CAMK4: variants seen among roughly 807,000 people sequenced by gnomAD.
The protein encoded by CAMK4 is calcium/calmodulin dependent protein kinase IV, also known as calcium/calmodulin-dependent protein kinase type IV.
A neutral mutation model predicts 44.9 loss-of-function variants in CAMK4; 22 were observed. That is an observed-to-expected ratio of 0.49 (90% CI 0.35 to 0.70). The LOEUF (loss-of-function observed/expected upper bound fraction) is 0.70. Ranked by LOEUF, CAMK4 falls within the 30% of genes least tolerant of loss-of-function variation. The pLI, the probability that CAMK4 is intolerant of heterozygous loss-of-function variation, is 0.01. For missense variants in CAMK4, 498 were observed against 586.8 expected (o/e 0.85, Z 1.56); for synonymous variants, 218 against 215.4 (o/e 1.01, Z -0.11).
At chr5:111,460,861 C>A (rs985188965) in intron 7 of CAMK4, among the ~76,000 whole-genome samples, 2 of 150,820 alleles carry the variant, frequency 1.3e-5, no homozygotes, top group Non-Finnish European at 3.0e-5. Flanking sequence ...ATTTTTTTTT[C>A]CTTTTTTGAA....
At chr5:111,385,215 AT>A (rs1751555485) in intron 4 of CAMK4, among the ~76,000 whole-genome samples, 1 of 152,212 alleles carries the variant, frequency 6.6e-6, no homozygotes, top group African/African-American at 2.4e-5. Flanking sequence ...GATTGGCCCC[AT>A]ATTCAACTCT....
At chr5:111,292,816 A>G (rs557829016) in intron 1 of CAMK4, among the ~76,000 whole-genome samples, 1 of 152,248 alleles carries the variant, frequency 6.6e-6, no homozygotes, top group Non-Finnish European at 1.5e-5. Flanking sequence ...CTGTAGTTCT[A>G]GCTACTTGGG....
chr5:111,443,964 C>T (rs1361681167), intron 5 of CAMK4, among the ~76,000 whole-genome samples: 3 of 152,128 alleles, frequency 2.0e-5, no homozygotes, highest in Non-Finnish European at 2.9e-5. Context: ...TTGGGGACAC[C>T]GCATGTTTTC....
intron 2 of CAMK4, among the ~76,000 whole-genome samples, chr5:111,350,764 G>A (rs1475701565): frequency 1.3e-5 from 2 of 151,996 alleles, no homozygotes; most frequent in African/African-American, 2.4e-5. Flanking sequence ...TTCCATAAAT[G>A]TTGGTTTGAT....
At chr5:111,345,729 A>G (rs1022018438) in intron 2 of CAMK4, among the ~76,000 whole-genome samples, 1 of 151,954 alleles carries the variant, frequency 6.6e-6, no homozygotes, top group Non-Finnish European at 1.5e-5. Context: ...GCTTATGTCA[A>G]AAGTCTTTGG....
At chr5:111,473,910 T>G (rs904928541) in intron 8 of CAMK4, among the ~76,000 whole-genome samples, 1 of 152,108 alleles carries the variant, frequency 6.6e-6, no homozygotes, top group Non-Finnish European at 1.5e-5. Flanking sequence ...ACAAATTTCT[T>G]GGGAAAAAAA....
intron 5 of CAMK4, among the ~76,000 whole-genome samples, chr5:111,430,540 T>G (rs1268680450): frequency 2.0e-5 from 3 of 152,228 alleles, no homozygotes; most frequent in Non-Finnish European, 4.4e-5. Flanking sequence ...TTATATGATC[T>G]TATATTTGGA....
Position 111,298,827 on chromosome 5 carries a change from G to A in CAMK4, c.162-45197G>A, listed in dbSNP as rs10078976. 4.5e-3 allele frequency among the ~76,000 whole-genome samples: 685 copies of A among 152,356 alleles called. 3 individuals are homozygous for A. The highest frequency in any genetic ancestry group is 0.016 in the African/African-American group (657 of 41,578). Reference sequence around the variant, plus strand: ...GTAACTACTGCCCAAGGAGGCACCCGTGCCCCGTTAGGAACACAATGTTGT... The same window carrying A: ...GTAACTACTGCCCAAGGAGGCACCCATGCCCCGTTAGGAACACAATGTTGT... On this transcript the variant is annotated intron_variant, in intron 1 of 10. Transcript: ENST00000282356.
chr5:111,433,244 A>C (rs185333672), intron 5 of CAMK4, among the ~76,000 whole-genome samples: 5 of 152,342 alleles, frequency 3.3e-5, no homozygotes, highest in Admixed American at 3.3e-4. Flanking sequence ...TCAAAGGTTT[A>C]AAAGGGCTTG....
chr5:111,225,601 T>G (rs1458321859), intron 1 of CAMK4, among the ~76,000 whole-genome samples: 2 of 152,224 alleles, frequency 1.3e-5, no homozygotes, highest in African/African-American at 4.8e-5. Context: ...CTGTACTTAC[T>G]ACTCCTTTGC....
Position 111,486,089 on chromosome 5 carries a change from GA to G in CAMK4, c.*1626del, listed in dbSNP as rs1387601930. 6.6e-6 allele frequency: 1 copy of G among 152,024 alleles called. No individual in the cohort carries two copies. The highest frequency in any genetic ancestry group is 1.9e-4 in the East Asian group (1 of 5,186). 9.4% of individuals were successfully genotyped at this position (152,024 alleles called of 1,614,324 possible). Reference sequence around the variant, plus strand: ...CCTCAAAACTATTAAATTAGAAAACGAAACTAAAGCTCCAGTTTGTAGAGGC... The same window carrying G: ...CCTCAAAACTATTAAATTAGAAAACGAACTAAAGCTCCAGTTTGTAGAGGC... On this transcript the variant is annotated 3_prime_UTR_variant, in exon 11 of 11. Coordinates refer to ENST00000282356, the MANE Select transcript of CAMK4 (RefSeq NM_001744.6).
In CAMK4 at chr5:111,488,983, T is replaced by A. The variant is rs547961432; in HGVS notation, c.*4517T>A. 1 of 152,364 alleles carries A rather than the reference T, an allele frequency of 6.6e-6. No homozygotes were observed. Among genetic ancestry groups the A allele is most frequent in the South Asian group, 2.1e-4 (1 of 4,826 alleles). The allele number at this position is 152,364 out of a possible 1,614,324, so 9.4% of individuals were successfully genotyped here. ...AATTCCTGCCTATTAGTCCATATTC[T>A]GATTTCCTTATGTTCATCACTGATA... On this transcript the variant is annotated 3_prime_UTR_variant, in exon 11 of 11. Coordinates refer to ENST00000282356, the MANE Select transcript of CAMK4 (RefSeq NM_001744.6).
At chr5:111,254,701 C>G (rs10478040) in intron 1 of CAMK4, among the ~76,000 whole-genome samples, 1 of 152,118 alleles carries the variant, frequency 6.6e-6, no homozygotes, top group African/African-American at 2.4e-5. Context: ...CTCCCCCAGG[C>G]GAAGGAGTTG....
At chr5:111,228,616 A>G (rs868477059) in intron 1 of CAMK4, among the ~76,000 whole-genome samples, 18 of 150,352 alleles carry the variant, frequency 1.2e-4, no homozygotes, top group Middle Eastern at 6.8e-3. Context: ...AATATTTTCT[A>G]TTATATGCTG....
chr5:111,428,978 C>A (rs186743021), intron 5 of CAMK4, among the ~76,000 whole-genome samples: 24 of 152,044 alleles, frequency 1.6e-4, no homozygotes, highest in Admixed American at 4.6e-4. Context: ...AAAACCTATG[C>A]GATACAGCAA....
chr5:111,444,667 G>A (rs748830197), intron 5 of CAMK4, among the ~76,000 whole-genome samples: 3 of 152,096 alleles, frequency 2.0e-5, no homozygotes, highest in East Asian at 1.9e-4. Context: ...CCCAAATCAC[G>A]AAGCCATCTT....
intron 1 of CAMK4, among the ~76,000 whole-genome samples, chr5:111,234,803 T>C (rs753580632): frequency 9.9e-5 from 15 of 152,114 alleles, no homozygotes; most frequent in Non-Finnish European, 2.2e-4. Flanking sequence ...TGGAATAGTC[T>C]CTGAAAAAAG....
chr5:111,491,591 T>C lies in CAMK4; in HGVS notation c.*7125T>C, dbSNP rs1755836822. ...TTCCTACAGAACTAAAAACGCAAAA[T>C]TGCATCACTCCTGAAGAAAAGAAAT... On this transcript the variant is annotated 3_prime_UTR_variant, in exon 11 of 11. Transcript: ENST00000282356. 1 of 152,172 alleles carries C rather than the reference T, an allele frequency of 6.6e-6. No individual in the cohort carries two copies. The highest frequency in any genetic ancestry group is 2.1e-4 in the South Asian group (1 of 4,830). 9.4% of individuals were successfully genotyped at this position (152,172 alleles called of 1,614,324 possible).
intron 7 of CAMK4, among the ~76,000 whole-genome samples, chr5:111,454,518 C>A (rs1016866896): frequency 3.3e-5 from 5 of 151,702 alleles, no homozygotes; most frequent in Middle Eastern, 3.4e-3. Flanking sequence ...AACTCCAGGC[C>A]AGAAAATTAA....
Sources: gnomAD v4.1 joint callset for allele counts (sites outside exome capture counted in the v4.1 genomes callset) on GRCh38, gnomAD v4.1.1 for gene constraint, MANE v1.5 for transcripts, NCBI Gene and HGNC (gene_info 2026-07-23, HGNC 2026-07-21) for gene names.